CYYR1: variants seen among roughly 807,000 people sequenced by gnomAD.
CYYR1 encodes cysteine and tyrosine rich 1.
Under a neutral mutation model 15.2 loss-of-function variants are expected in CYYR1, and 14 were observed. The observed-to-expected ratio is 0.92, with a 90% CI of 0.61 to 1.44. The LOEUF (loss-of-function observed/expected upper bound fraction) is 1.44, where lower values mean the gene tolerates loss of function less well. CYYR1 is among the 40% of genes most tolerant of loss of function. The pLI is 0.00. For synonymous variants in CYYR1, 80 were observed against 77.4 expected, an observed-to-expected ratio of 1.03 and a Z score of -0.18; for missense variants, 228 against 209.5, an observed-to-expected ratio of 1.09 and a Z score of -0.54.
chr21:26,502,292 T>C (rs1479961094), intron 2 of CYYR1, among the ~76,000 whole-genome samples: 3 of 138,664 alleles, frequency 2.2e-5, no homozygotes, highest in Non-Finnish European at 3.1e-5. Context: ...ATGTATAGAA[T>C]TGAGAACTGC....
At chr21:26,520,113 G>GATAGATATATATAT (rs1323824516) in intron 2 of CYYR1, among the ~76,000 whole-genome samples, 5 of 120,702 alleles carry the variant, frequency 4.1e-5, no homozygotes, top group African/African-American at 1.4e-4. Flanking sequence ...AAACCCAGGA[G>GATAGATATATATAT]ATATATATAT....
chr21:26,573,204 C>T lies in CYYR1; in HGVS notation c.-264G>A. ...CAGGTCTCTTTGTCTCGCCCCACTG[C>T]GCTCAGGCGCGGGGAAGGCGGCCAC... is the stretch of plus-strand genomic sequence containing the variant. On this transcript the variant is annotated 5_prime_UTR_variant, in exon 1 of 4. Coordinates refer to ENST00000652641, the MANE Select transcript of CYYR1 (RefSeq NM_001320768.2). 1 of 1,439,666 alleles carries T rather than the reference C, an allele frequency of 6.9e-7. No individual in the cohort carries two copies. The allele number at this position is 1,439,666 out of a possible 1,614,324, so 89.2% of individuals were successfully genotyped here.
intron 2 of CYYR1, among the ~76,000 whole-genome samples, chr21:26,549,972 A>AGAT (rs1360031390): frequency 6.6e-6 from 1 of 152,212 alleles, no homozygotes; most frequent in African/African-American, 2.4e-5. Flanking sequence ...TGAGTCTCAC[A>AGAT]GATATTATGT....
Position 26,566,274 on chromosome 21 carries a change from A to C in CYYR1, c.168T>G (p.Asn56Lys). 1 of 1,612,462 alleles carries C rather than the reference A, an allele frequency of 6.2e-7. No individual in the cohort carries two copies. The highest frequency in any genetic ancestry group is 8.5e-7 in the Non-Finnish European group (1 of 1,178,592). ...ATCTGACGAATACTCACGAGAGGAT[A>C]TTCCCAATATAAGCGTAGTAGGAGC... ...YCCSYYAYIG[N>K]ILSGTAIAGI... The change falls in exon 2 of 4, where the codon AAT becomes AAG. Residue 56 changes from asparagine to lysine, a missense_variant. Asn to Lys is a moderately conservative substitution (Grantham distance 94, BLOSUM62 0). Coordinates refer to ENST00000652641, the MANE Select transcript of CYYR1 (RefSeq NM_001320768.2).
chr21:26,558,819 A>G (rs980959935), intron 2 of CYYR1, among the ~76,000 whole-genome samples: 1 of 152,168 alleles, frequency 6.6e-6, no homozygotes, highest in Non-Finnish European at 1.5e-5. Flanking sequence ...ACATGAACTG[A>G]GTTATTTTAA....
intron 2 of CYYR1, among the ~76,000 whole-genome samples, chr21:26,548,644 C>T (rs765442935): frequency 3.9e-5 from 6 of 152,280 alleles, no homozygotes; most frequent in African/African-American, 7.2e-5. Context: ...CCACCAAGCC[C>T]GGCCAGTATG....
intron 1 of CYYR1, among the ~76,000 whole-genome samples, chr21:26,567,621 C>A (rs1045460319): frequency 6.6e-6 from 1 of 151,996 alleles, no homozygotes; most frequent in East Asian, 1.9e-4. Flanking sequence ...TTATGTTGTA[C>A]ATTTAAGAGT....
intron 3 of CYYR1, among the ~76,000 whole-genome samples, chr21:26,475,778 T>C (rs2065094926): frequency 6.6e-6 from 1 of 152,184 alleles, no homozygotes; most frequent in East Asian, 1.9e-4. Flanking sequence ...TCTCAGTTCA[T>C]GTTTGAATTC....
intron 2 of CYYR1, chr21:26,564,753 C>A: frequency 8.2e-7 from 1 of 1,225,390 alleles, no homozygotes; most frequent in Non-Finnish European, 1.1e-6. Context: ...GCCAGATGAC[C>A]AAAGAATCAC....
At chr21:26,560,421 T>C (rs1980116216) in intron 2 of CYYR1, among the ~76,000 whole-genome samples, 1 of 152,176 alleles carries the variant, frequency 6.6e-6, no homozygotes, top group Non-Finnish European at 1.5e-5. Flanking sequence ...TTTTTAAAAA[T>C]GTGTCTTGCT....
At chr21:26,571,055 C>A (rs1030982297) in intron 1 of CYYR1, among the ~76,000 whole-genome samples, 6 of 152,152 alleles carry the variant, frequency 3.9e-5, no homozygotes, top group Non-Finnish European at 7.3e-5. Context: ...CTTTGAACAT[C>A]TATAGCACGT....
At chr21:26,477,326 G>C (rs1477622219) in intron 3 of CYYR1, among the ~76,000 whole-genome samples, 1 of 152,154 alleles carries the variant, frequency 6.6e-6, no homozygotes, top group Non-Finnish European at 1.5e-5. Context: ...CTTTGAGAAG[G>C]AAATGAGAAG....
chr21:26,516,984 G>A (rs914199159), intron 2 of CYYR1, among the ~76,000 whole-genome samples: 9 of 150,068 alleles, frequency 6.0e-5, no homozygotes, highest in South Asian at 2.1e-4. Context: ...GCGTGGTAGC[G>A]GGCGCCTGTA....
chr21:26,483,057 C>T (rs929398980), intron 2 of CYYR1, among the ~76,000 whole-genome samples: 5 of 151,916 alleles, frequency 3.3e-5, no homozygotes, highest in East Asian at 1.9e-4. Context: ...CTTTCTGGAT[C>T]GATTCTCTAA....
intron 2 of CYYR1, among the ~76,000 whole-genome samples, chr21:26,558,315 A>G (rs1979946796): frequency 6.6e-6 from 1 of 152,192 alleles, no homozygotes; most frequent in African/African-American, 2.4e-5. Flanking sequence ...ACCTGGATTT[A>G]TTACATGTTA....
chr21:26,479,619 A>T (rs2065146618), intron 3 of CYYR1, among the ~76,000 whole-genome samples: 2 of 152,174 alleles, frequency 1.3e-5, no homozygotes. Flanking sequence ...GCATATTCTC[A>T]ATAAATATTT....
chr21:26,503,823 C>T (rs2065515098), intron 2 of CYYR1: 3 of 152,224 alleles, frequency 2.0e-5, no homozygotes, highest in South Asian at 2.1e-4. Flanking sequence ...TTGAATTGTA[C>T]AAATCCATAC....
chr21:26,537,749 C>T (rs1978318438), intron 2 of CYYR1, among the ~76,000 whole-genome samples: 1 of 152,012 alleles, frequency 6.6e-6, no homozygotes, highest in African/African-American at 2.4e-5. Context: ...ATTTGGGTCC[C>T]CTTAAAATTC....
intron 2 of CYYR1, among the ~76,000 whole-genome samples, chr21:26,499,498 A>C (rs1040803071): frequency 2.6e-5 from 4 of 152,178 alleles, no homozygotes; most frequent in African/African-American, 9.6e-5. Context: ...TTTTTAGTTA[A>C]AATTTTTTGG....
Sources: gnomAD v4.1 joint callset for allele counts (sites outside exome capture counted in the v4.1 genomes callset) on GRCh38, gnomAD v4.1.1 for gene constraint, MANE v1.5 for transcripts, NCBI Gene and HGNC (gene_info 2026-07-23, HGNC 2026-07-21) for gene names.